The following NDE1 variants were observed in gnomAD, a reference collection of about 807,000 sequenced individuals.
The protein encoded by NDE1 is nudE neurodevelopment protein 1.
NDE1 carries 28 observed loss-of-function variants against 43.4 expected under a neutral mutation model. The ratio of observed to expected loss-of-function variants is 0.65; its 90% confidence interval spans 0.48 to 0.89. The LOEUF (loss-of-function observed/expected upper bound fraction) is 0.89, where lower values mean the gene tolerates loss of function less well. Among genes scored for constraint, NDE1 ranks in the 40% least tolerant of loss-of-function variants. The pLI is 0.00. For synonymous variants in NDE1, 184 were observed against 172.0 expected, an observed-to-expected ratio of 1.07 and a Z score of -0.55; for missense variants, 441 against 434.1, an observed-to-expected ratio of 1.02 and a Z score of -0.14.
chr16:15,687,243 T>G (rs1287217822), intron 4 of NDE1, 132 bp from the exon 5 acceptor site: 2 of 1,574,318 alleles, frequency 1.3e-6, no homozygotes, highest in Non-Finnish European at 1.7e-6. Context: ...TGGCCCACTC[T>G]GTGGCATCTA....
At chr16:15,703,569 T>G in intron 8 of NDE1, 2 of 340,188 alleles carry the variant, frequency 5.9e-6, no homozygotes, top group South Asian at 4.3e-5. Context: ...AATTTTTACC[T>G]TGAATACAGG....
At chr16:15,659,655 T>C (rs2036948199) in intron 1 of NDE1, among the ~76,000 whole-genome samples, 1 of 151,888 alleles carries the variant, frequency 6.6e-6, no homozygotes, top group Non-Finnish European at 1.5e-5. Flanking sequence ...CAGGCTGGTT[T>C]CAGACTCCTG....
At chr16:15,655,830 G>GATGAAATTGGATGAAT (rs1567616708) in intron 1 of NDE1, among the ~76,000 whole-genome samples, 1 of 151,654 alleles carries the variant, frequency 6.6e-6, no homozygotes, top group African/African-American at 2.4e-5. Context: ...TCCTTTGTAG[G>GATGAAATTGGATGAAT]GACATGGATG....
intron 8 of NDE1, among the ~76,000 whole-genome samples, chr16:15,710,758 G>T (rs925075149): frequency 1.3e-5 from 2 of 151,942 alleles, no homozygotes; most frequent in Admixed American, 6.6e-5. Context: ...CTCACTGCAG[G>T]CTCCTCCTCC....
chr16:15,682,426 A>G (rs931016872), intron 4 of NDE1, among the ~76,000 whole-genome samples: 3 of 152,222 alleles, frequency 2.0e-5, no homozygotes, highest in Non-Finnish European at 4.4e-5. Context: ...TTATATTTAG[A>G]ACGTTTGACA....
At chr16:15,701,870 G>T (rs1452272577) in intron 8 of NDE1, 1 of 152,184 alleles carries the variant, frequency 6.6e-6, no homozygotes, top group Non-Finnish European at 1.5e-5. Context: ...CACAGAAGAT[G>T]TCCTTTTATT....
intron 1 of NDE1, among the ~76,000 whole-genome samples, chr16:15,656,027 C>A: frequency 1.3e-5 from 2 of 149,716 alleles, no homozygotes; most frequent in Non-Finnish European, 3.0e-5. Context: ...ATACCTAATG[C>A]TAGATGACGA....
chr16:15,705,339 C>G (rs1367793783), intron 8 of NDE1, among the ~76,000 whole-genome samples: 2 of 152,140 alleles, frequency 1.3e-5, no homozygotes, highest in East Asian at 1.9e-4. Flanking sequence ...TTAATGCTGC[C>G]ATCTCCTCTC....
intron 4 of NDE1, among the ~76,000 whole-genome samples, chr16:15,678,877 C>G (rs887522619): frequency 2.6e-5 from 4 of 152,014 alleles, no homozygotes; most frequent in African/African-American, 9.7e-5. Context: ...GAGATCGAGA[C>G]CATCCTGGCT....
intron 3 of NDE1, among the ~76,000 whole-genome samples, chr16:15,668,741 T>C (rs2037440398): frequency 6.6e-6 from 1 of 152,306 alleles, no homozygotes; most frequent in East Asian, 1.9e-4. Context: ...TGAGTTTCCT[T>C]AGTGGACAGA....
At position 15,725,179 on chromosome 16, in the gene NDE1, G is replaced by T; in HGVS notation, c.*928G>T. 1.6e-6 allele frequency: 1 copy of T among 632,020 alleles called. No individual in the cohort carries two copies. The highest frequency in any genetic ancestry group is 2.7e-5 in the East Asian group (1 of 36,794). 39.2% of individuals were successfully genotyped at this position (632,020 alleles called of 1,614,324 possible). ...CACACACACAAAAAAAACAGAATCT[G>T]TGGCTTGAAGGGAACTCCGTCACCT... On this transcript the variant is annotated 3_prime_UTR_variant, in exon 9 of 9. Transcript: ENST00000396354.
chr16:15,699,784 C>T, intron 8 of NDE1: 1 of 1,351,658 alleles, frequency 7.4e-7, no homozygotes, highest in Non-Finnish European at 9.8e-7. Flanking sequence ...TTCATCGCCG[C>T]TGCCGTCAGC....
chr16:15,718,414 G>A lies in NDE1; in HGVS notation c.948-5777G>A, dbSNP rs970185342. On this transcript the variant is annotated intron_variant, in intron 8 of 8. Coordinates refer to ENST00000396354, the MANE Select transcript of NDE1 (RefSeq NM_017668.3). ...GCTGGGCGATCCGGGCCTCCAGGCG[G>A]CGCTTCTCGTCCTGGAGTGCGTTCC... The A allele has an allele frequency of 1.9e-6, 3 of 1,584,354 alleles. No homozygotes were observed. The African/African-American group carries it at 4.0e-5, about 21-fold the overall frequency.
Position 15,724,591 on chromosome 16 carries a change from T to G in NDE1, c.*340T>G. 26 of 1,612,010 alleles carry G rather than the reference T, an allele frequency of 1.6e-5. No individual in the cohort carries two copies. The highest frequency in any genetic ancestry group is 2.7e-5 in the African/African-American group (2 of 74,960). ...CACCGCGATCTGCCTGCGGGGGATCTCAGCGCAGAGAAGTTGAGAGGACCC... is the reference window on the plus strand; with the variant it reads ...CACCGCGATCTGCCTGCGGGGGATCGCAGCGCAGAGAAGTTGAGAGGACCC... On this transcript the variant is annotated 3_prime_UTR_variant, in exon 9 of 9. Coordinates refer to ENST00000396354, the MANE Select transcript of NDE1 (RefSeq NM_017668.3).
intron 8 of NDE1, among the ~76,000 whole-genome samples, chr16:15,709,661 T>A (rs969217988): frequency 6.6e-6 from 1 of 152,152 alleles, no homozygotes; most frequent in African/African-American, 2.4e-5. Context: ...AGAGCTACTT[T>A]TAAGAACCTC....
upstream of NDE1, among the ~76,000 whole-genome samples, chr16:15,648,067 T>C (rs576555094): frequency 7.0e-4 from 106 of 151,246 alleles, no homozygotes; most frequent in African/African-American, 2.5e-3. Flanking sequence ...ATAATATATA[T>C]ATTTTTAGTT....
intron 8 of NDE1, chr16:15,697,120 C>G (rs758903640): frequency 3.2e-5 from 30 of 949,516 alleles, no homozygotes; most frequent in Non-Finnish European, 3.8e-5. Context: ...AGGATCATGG[C>G]TCACCCTCTG....
chr16:15,667,591 T>A, intron 3 of NDE1, 152 bp downstream of exon 3: 1 of 888,148 alleles, frequency 1.1e-6, no homozygotes, highest in Non-Finnish European at 1.8e-6. Flanking sequence ...GACGTGATCT[T>A]TGAACTCTTT....
At chr16:15,720,415 T>C in intron 8 of NDE1, 2 of 1,454,908 alleles carry the variant, frequency 1.4e-6, no homozygotes, top group Non-Finnish European at 1.9e-6. Flanking sequence ...CACAGCCCCC[T>C]TGTGAGGTGG....
Sources: gnomAD v4.1 joint callset for allele counts (sites outside exome capture counted in the v4.1 genomes callset) on GRCh38, gnomAD v4.1.1 for gene constraint, MANE v1.5 for transcripts, NCBI Gene and HGNC (gene_info 2026-07-23, HGNC 2026-07-21) for gene names.